Variants in ITSN1 observed in about 807,000 individuals in gnomAD.
ITSN1 encodes the protein intersectin 1.
Under a neutral mutation model 239.8 loss-of-function variants are expected in ITSN1, and 58 were observed. The observed-to-expected ratio is 0.24, with a 90% CI of 0.20 to 0.30. The LOEUF (loss-of-function observed/expected upper bound fraction) is 0.30, where lower values mean the gene tolerates loss of function less well. ITSN1 is among the 10% of genes least tolerant of loss of function. The probability of loss-of-function intolerance (pLI) is 1.00; values close to 1 mark genes in which losing one functional copy is unlikely to be tolerated. For synonymous variants in ITSN1, 780 were observed against 770.8 expected, an observed-to-expected ratio of 1.01 and a Z score of -0.20; for missense variants, 1,558 against 2,103.3, an observed-to-expected ratio of 0.74 and a Z score of 5.07.
At chr21:33,878,213 T>G in intron 34 of ITSN1, among the ~76,000 whole-genome samples, 2 of 152,082 alleles carry the variant, frequency 1.3e-5, no homozygotes, top group Middle Eastern at 6.8e-3. Flanking sequence ...CTATTTTTTT[T>G]GTAGAGACAA....
intron 5 of ITSN1, 36 bp from the exon 6 acceptor site, chr21:33,750,107 G>C: frequency 6.3e-7 from 1 of 1,592,318 alleles, no homozygotes; most frequent in African/African-American, 1.3e-5. Context: ...AAATGTGATT[G>C]GATGTGAATG....
At chr21:33,732,589 A>G (rs550120475) in intron 4 of ITSN1, among the ~76,000 whole-genome samples, 35 of 152,354 alleles carry the variant, frequency 2.3e-4, no homozygotes, top group African/African-American at 7.9e-4. Flanking sequence ...CTTAGAAGGC[A>G]GTAAGACCAA....
intron 20 of ITSN1, among the ~76,000 whole-genome samples, chr21:33,810,134 G>A (rs555611387): frequency 2.0e-5 from 3 of 152,300 alleles, no homozygotes; most frequent in African/African-American, 7.2e-5. Context: ...GTCCTCCAAA[G>A]TCATTCTCCT....
chr21:33,854,308 T>C (rs1165548026), intron 29 of ITSN1, among the ~76,000 whole-genome samples: 1 of 152,202 alleles, frequency 6.6e-6, no homozygotes, highest in Non-Finnish European at 1.5e-5. Context: ...GTGCAGTGAC[T>C]TTTAGAGCTA....
At chr21:33,877,370 A>G (rs1263240285) in intron 34 of ITSN1, among the ~76,000 whole-genome samples, 1 of 151,916 alleles carries the variant, frequency 6.6e-6, no homozygotes, top group Admixed American at 6.6e-5. Flanking sequence ...AGGCATCTTT[A>G]TTGTCTGAAG....
At chr21:33,771,089 A>G (rs1406831889) in intron 11 of ITSN1, among the ~76,000 whole-genome samples, 1 of 152,184 alleles carries the variant, frequency 6.6e-6, no homozygotes, top group African/African-American at 2.4e-5. Flanking sequence ...TTAAGATATC[A>G]GAGTAGAGGA....
chr21:33,861,573 A>T (rs1405074399), intron 31 of ITSN1, among the ~76,000 whole-genome samples: 1 of 152,236 alleles, frequency 6.6e-6, no homozygotes, highest in Non-Finnish European at 1.5e-5. Context: ...TGCCTTTCAT[A>T]GACAAGGTAG....
At chr21:33,823,727 A>G (rs1293849948) in intron 25 of ITSN1, 74 bp downstream of exon 25, 1 of 1,430,204 alleles carries the variant, frequency 7.0e-7, no homozygotes, top group South Asian at 1.3e-5. Context: ...GATGTTTGAC[A>G]GCGGAACTTT....
intron 33 of ITSN1, among the ~76,000 whole-genome samples, chr21:33,872,823 GA>G (rs1291886669): frequency 3.3e-5 from 5 of 152,172 alleles, no homozygotes; most frequent in African/African-American, 1.2e-4. Context: ...ATAATGGGGA[GA>G]TTATTAGTGA....
chr21:33,833,196 C>G (rs887370104), intron 27 of ITSN1, among the ~76,000 whole-genome samples: 1 of 152,128 alleles, frequency 6.6e-6, no homozygotes, highest in African/African-American at 2.4e-5. Context: ...TTTATAGGGA[C>G]AGTCATCTAC....
intron 22 of ITSN1, among the ~76,000 whole-genome samples, chr21:33,815,774 A>C (rs2148235747): frequency 1.3e-5 from 2 of 152,268 alleles, no homozygotes; most frequent in South Asian, 4.1e-4. Context: ...GAGAAGATAA[A>C]GCCAAGAAAA....
chr21:33,744,661 T>A (rs2067074051), intron 5 of ITSN1, among the ~76,000 whole-genome samples: 1 of 152,216 alleles, frequency 6.6e-6, no homozygotes, highest in African/African-American at 2.4e-5. Context: ...CATCTTGTAA[T>A]ACTGGTCAGC....
chr21:33,646,222 G>A (rs2087933730), intron 1 of ITSN1, among the ~76,000 whole-genome samples: 1 of 152,176 alleles, frequency 6.6e-6, no homozygotes, highest in Admixed American at 6.5e-5. Flanking sequence ...AGTTTAGAAA[G>A]GAGAGAGCCT....
At chr21:33,884,813 TC>T (rs1381331086) in intron 36 of ITSN1, among the ~76,000 whole-genome samples, 1 of 152,174 alleles carries the variant, frequency 6.6e-6, no homozygotes, top group East Asian at 1.9e-4. Flanking sequence ...CCCGGGGACA[TC>T]ATCGCAGGTC....
intron 33 of ITSN1, among the ~76,000 whole-genome samples, chr21:33,871,254 G>A (rs1327189373): frequency 3.3e-5 from 5 of 152,152 alleles, no homozygotes; most frequent in Non-Finnish European, 5.9e-5. Context: ...AAGATACAGA[G>A]CAACTTCTAC....
intron 1 of ITSN1, among the ~76,000 whole-genome samples, chr21:33,704,118 TCTTAACTGCTCTAGG>T (rs2092143891): frequency 6.6e-6 from 1 of 152,224 alleles, no homozygotes; most frequent in African/African-American, 2.4e-5. Flanking sequence ...TTTTTTCTTT[TCTTAACTGCTCTAGG>T]CTTTCTGTTA....
chr21:33,758,594 A>G (rs956662963), intron 8 of ITSN1, among the ~76,000 whole-genome samples: 4 of 152,032 alleles, frequency 2.6e-5, no homozygotes, highest in African/African-American at 9.7e-5. Flanking sequence ...AAGCTCTAGA[A>G]CTCTGGTATT....
intron 5 of ITSN1, among the ~76,000 whole-genome samples, chr21:33,737,386 T>G (rs1171616864): frequency 1.3e-5 from 2 of 152,170 alleles, no homozygotes; most frequent in Admixed American, 1.3e-4. Context: ...ATGATTTTGA[T>G]GAGGCTAAAC....
intron 29 of ITSN1, among the ~76,000 whole-genome samples, chr21:33,848,310 C>G (rs891617259): frequency 1.3e-5 from 2 of 152,320 alleles, no homozygotes; most frequent in Admixed American, 1.3e-4. Flanking sequence ...CACACAGACG[C>G]TGGAGATGTG....
Sources: allele counts gnomAD v4.1 joint callset (sites outside exome capture counted in the v4.1 genomes callset), GRCh38; gene constraint gnomAD v4.1.1; transcripts MANE v1.5; gene names NCBI Gene and HGNC (gene_info 2026-07-23, HGNC 2026-07-21).